The following ARHGAP6 variants were observed in gnomAD, a reference collection of about 807,000 sequenced individuals.
ARHGAP6 encodes Rho GTPase activating protein 6.
In ARHGAP6, 16 loss-of-function variants were observed where a neutral mutation model predicts 55.7. The ratio of observed to expected loss-of-function variants is 0.29; its 90% CI spans 0.19 to 0.44. The LOEUF is 0.44. Among genes scored for constraint, ARHGAP6 ranks in the 20% least tolerant of loss-of-function variants. The pLI is 1.00. For synonymous variants in ARHGAP6, 382 were observed against 360.9 expected (o/e 1.06, Z -0.66); for missense variants, 698 against 808.9 (o/e 0.86, Z 1.66).
chrX:11,180,161 A>G (rs1347219344), intron 6 of ARHGAP6, among the ~76,000 whole-genome samples: 1 of 111,526 alleles, frequency 9.0e-6, no homozygotes, highest in Non-Finnish European at 1.9e-5. Flanking sequence ...CCCTGCCTTA[A>G]TCATTATACT....
At position 11,230,658 on chromosome X, in the gene ARHGAP6, C is replaced by T. The variant is rs1210843758; in HGVS notation, c.748+23890G>A. ...GTGTGTGTATAAATGTGTGTATATA[C>T]GTATATATGTGTGTGTGTGTATGTA... On this transcript the variant is annotated intron_variant, in intron 2 of 12. Transcript: ENST00000337414. Among the ~76,000 whole-genome samples, 22 of 102,711 alleles carry T rather than the reference C, an allele frequency of 2.1e-4. No homozygotes were observed. In the East Asian group the frequency reaches 3.8e-3, roughly 18 times the overall value. The allele number at this position is 102,711 out of a possible 115,157, so 89.2% of individuals were successfully genotyped here.
At chrX:11,344,700 AAAAAGAAAAGAAAG>A (rs2048755062) in intron 1 of ARHGAP6, among the ~76,000 whole-genome samples, 3 of 103,497 alleles carry the variant, frequency 2.9e-5, no homozygotes, top group Non-Finnish European at 5.9e-5. Flanking sequence ...AAAAAAAAAA[AAAAAGAAAAGAAAG>A]AAAAGAAAAG....
chrX:11,586,515 T>C (rs761045064), intron 1 of ARHGAP6, among the ~76,000 whole-genome samples: 2 of 111,961 alleles, frequency 1.8e-5, no homozygotes, highest in African/African-American at 6.5e-5. Flanking sequence ...CTCTCTATTC[T>C]GTCCCATTGG....
chrX:11,588,107 A>G (rs184144052), intron 1 of ARHGAP6, among the ~76,000 whole-genome samples: 72 of 112,443 alleles, frequency 6.4e-4, no homozygotes, highest in African/African-American at 2.3e-3. Flanking sequence ...TTTGAGGCAG[A>G]CACATCCATT....
chrX:11,458,273 G>A (rs953244148), intron 1 of ARHGAP6, among the ~76,000 whole-genome samples: 8 of 112,369 alleles, frequency 7.1e-5, no homozygotes, highest in South Asian at 3.7e-4. Context: ...GTAAGGCTGC[G>A]GGCCAGGGAA....
intron 1 of ARHGAP6, among the ~76,000 whole-genome samples, chrX:11,545,019 T>C (rs746724378): frequency 3.6e-5 from 4 of 112,157 alleles, no homozygotes; most frequent in Non-Finnish European, 5.6e-5. Flanking sequence ...TCCATTGCAG[T>C]GTGGACTAGA....
chrX:11,621,507 A>G (rs746106420), intron 1 of ARHGAP6, among the ~76,000 whole-genome samples: 1 of 111,819 alleles, frequency 8.9e-6, no homozygotes, highest in African/African-American at 3.2e-5. Context: ...GAAAAATTCA[A>G]AAGATAGGAT....
At chrX:11,471,704 A>G (rs1048642193) in intron 1 of ARHGAP6, among the ~76,000 whole-genome samples, 2 of 112,067 alleles carry the variant, frequency 1.8e-5, no homozygotes, top group Admixed American at 9.5e-5. Flanking sequence ...CTGTAATCTG[A>G]AAAAGATAAT....
intron 1 of ARHGAP6, among the ~76,000 whole-genome samples, chrX:11,638,546 T>C (rs1244308359): frequency 9.0e-6 from 1 of 111,455 alleles, no homozygotes; most frequent in Admixed American, 9.6e-5. Flanking sequence ...TGTTTTCAGT[T>C]GCAAAAATAA....
At chrX:11,525,064 C>G (rs988974388) in intron 1 of ARHGAP6, among the ~76,000 whole-genome samples, 2 of 111,726 alleles carry the variant, frequency 1.8e-5, no homozygotes, top group African/African-American at 3.3e-5. Context: ...TGAAGTTTCA[C>G]TCATATGTCC....
At chrX:11,221,368 GA>G in intron 2 of ARHGAP6, 1 of 153,010 alleles carries the variant, frequency 6.5e-6, no homozygotes, top group Non-Finnish European at 1.5e-5. Flanking sequence ...CCAGAAGCTA[GA>G]AGATATTGCA....
At chrX:11,238,540 A>G (rs1302937741) in intron 2 of ARHGAP6, among the ~76,000 whole-genome samples, 1 of 112,226 alleles carries the variant, frequency 8.9e-6, no homozygotes. Context: ...TGGTGGATGA[A>G]GAGACTTACT....
chrX:11,224,876 T>A (rs2047025651), intron 2 of ARHGAP6, among the ~76,000 whole-genome samples: 1 of 109,498 alleles, frequency 9.1e-6, no homozygotes, highest in African/African-American at 3.3e-5. Context: ...CTGAGTGGAG[T>A]GGTCAGGGGC....
At chrX:11,340,670 A>C (rs1262424114) in intron 1 of ARHGAP6, among the ~76,000 whole-genome samples, 1 of 107,639 alleles carries the variant, frequency 9.3e-6, no homozygotes, top group East Asian at 2.9e-4. Context: ...CGGAGCTTGC[A>C]GTGAGCCGAG....
At chrX:11,253,944 TACAGAG>T (rs910855437) in intron 2 of ARHGAP6, among the ~76,000 whole-genome samples, 3 of 108,489 alleles carry the variant, frequency 2.8e-5, no homozygotes, top group African/African-American at 1.0e-4. Flanking sequence ...ACAGTAAACA[TACAGAG>T]ACAAAGTTTT....
intron 1 of ARHGAP6, among the ~76,000 whole-genome samples, chrX:11,618,739 G>A (rs780359538): frequency 8.9e-6 from 1 of 112,207 alleles, no homozygotes; most frequent in South Asian, 3.7e-4. Flanking sequence ...ATAAACAAAT[G>A]GATAGTCATT....
chrX:11,222,194 T>C (rs2046982096), intron 2 of ARHGAP6, among the ~76,000 whole-genome samples: 1 of 112,371 alleles, frequency 8.9e-6, no homozygotes, highest in Admixed American at 9.5e-5. Context: ...ATATTAGTTG[T>C]ACTGACTGTT....
chrX:11,213,164 C>G, intron 2 of ARHGAP6, among the ~76,000 whole-genome samples: 1 of 113,012 alleles, frequency 8.8e-6, no homozygotes, highest in South Asian at 3.6e-4. Flanking sequence ...TAGGACCTCA[C>G]CCCCGGGCTC....
chrX:11,286,340 C>CCA (rs1339358848), intron 1 of ARHGAP6, among the ~76,000 whole-genome samples: 1 of 111,270 alleles, frequency 9.0e-6, no homozygotes, highest in Non-Finnish European at 1.9e-5. Context: ...GTGTTTTTCC[C>CCA]CACCAGCTAT....
Sources: allele counts gnomAD v4.1 joint callset (sites outside exome capture counted in the v4.1 genomes callset), GRCh38; gene constraint gnomAD v4.1.1; transcripts MANE v1.5; gene names NCBI Gene and HGNC (gene_info 2026-07-23, HGNC 2026-07-21).